The following HAVCR1 variants were observed in gnomAD, a reference collection of about 807,000 sequenced individuals.
HAVCR1 encodes the protein hepatitis A virus cellular receptor 1.
HAVCR1 carries 34 observed loss-of-function variants against 32.0 expected under a neutral mutation model. The observed-to-expected ratio is 1.06, with a 90% CI of 0.81 to 1.42. The LOEUF (loss-of-function observed/expected upper bound fraction) is 1.42, where lower values mean the gene tolerates loss of function less well. Among genes scored for constraint, HAVCR1 ranks in the 40% most tolerant of loss-of-function variants. The pLI is 0.00. For synonymous variants in HAVCR1, 178 were observed against 170.3 expected (o/e 1.05, Z -0.35); for missense variants, 420 against 442.3 (o/e 0.95, Z 0.45).
At chr5:157,057,872 C>T (rs1174505521) in intron 2 of HAVCR1, 26 bp downstream of exon 2, 1 of 1,592,928 alleles carries the variant, frequency 6.3e-7, no homozygotes, top group Non-Finnish European at 8.6e-7. Context: ...CTCCCTTCTT[C>T]CCGCCCAGGG....
chr5:157,029,829 G>C lies in HAVCR1; in HGVS notation c.999C>G (p.Ser333Arg). The change falls in exon 9 of 9, where the codon AGC becomes AGG. Residue 333 changes from serine (S) to arginine (R), a missense_variant. Ser to Arg is a moderately radical substitution (Grantham distance 110, BLOSUM62 -1). Coordinates refer to ENST00000523175, the MANE Select transcript of HAVCR1 (RefSeq NM_001173393.3). Reference sequence around the variant, plus strand: ...TTTGCAAAGCTTTAATTTGAAGGCTGCTAAATGAAACACTGTAGAAAGAGT... The same window carrying C: ...TTTGCAAAGCTTTAATTTGAAGGCTCCTAAATGAAACACTGTAGAAAGAGT... ...KEVQQLSVSF[S>R]SLQIKALQNA... 6.2e-7 allele frequency: 1 copy of C among 1,612,168 alleles called. No individual in the cohort carries two copies. The highest frequency in any genetic ancestry group is 1.1e-5 in the South Asian group (1 of 91,034).
At chr5:157,050,614 T>G (rs1755682465) in intron 4 of HAVCR1, among the ~76,000 whole-genome samples, 1 of 152,090 alleles carries the variant, frequency 6.6e-6, no homozygotes, top group Admixed American at 6.6e-5. Flanking sequence ...AAGGCAACTT[T>G]CTCCCATATC....
intron 6 of HAVCR1, among the ~76,000 whole-genome samples, chr5:157,039,075 G>A (rs899145695): frequency 1.4e-4 from 21 of 152,120 alleles, no homozygotes; most frequent in African/African-American, 7.2e-5. Context: ...AGCTGTGATC[G>A]TGCCACTGCA....
the HAVCR1 span, among the ~76,000 whole-genome samples, chr5:157,066,565 T>TTTAA: frequency 6.6e-6 from 1 of 150,534 alleles, no homozygotes; most frequent in Non-Finnish European, 1.5e-5. Context: ...GTTTTTTTTT[T>TTTAA]AAGTGATAAA....
At chr5:157,057,382 GAGAGGAAAGAAAGAAAGAAAGAAAGAAA>G (rs1173574443) in intron 2 of HAVCR1, among the ~76,000 whole-genome samples, 16 of 133,926 alleles carry the variant, frequency 1.2e-4, no homozygotes, top group East Asian at 2.1e-4. Context: ...GAGAGAGAGA[GAGAGGAAAGAAAGAAAGAAAGAAAGAAA>G]GAAAGAAAGA....
intron 6 of HAVCR1, among the ~76,000 whole-genome samples, chr5:157,037,634 C>G (rs1426197512): frequency 1.3e-5 from 2 of 152,166 alleles, no homozygotes; most frequent in African/African-American, 4.8e-5. Context: ...AAAACTAAAA[C>G]TGTATGCTTA....
intron 5 of HAVCR1, among the ~76,000 whole-genome samples, chr5:157,046,929 GCTATCAACATGAATTTGGGAATTAT>G (rs1755434059): frequency 6.6e-6 from 1 of 152,112 alleles, no homozygotes. Context: ...TTGGGAATTA[GCTATCAACATGAATTTGGGAATTAT>G]CTATCAACAT....
At chr5:157,053,547 G>T (rs1755904324) in intron 3 of HAVCR1, among the ~76,000 whole-genome samples, 1 of 152,014 alleles carries the variant, frequency 6.6e-6, no homozygotes, top group African/African-American at 2.4e-5. Context: ...TATTATCATT[G>T]TAAGACCTTA....
rs774749480 is a variant in HAVCR1 at position 157,052,530 on chromosome 5, TGTTGGAACAGTTGTC to T, written c.489_503del (p.Thr165_Thr169del). ...TCGTTGTCGTTGGAATGCTCATTGT[TGTTGGAACAGTTGTC>T]GTTGGAACAGTCGTCATTGGAACAG... On this transcript the variant is annotated inframe_deletion, in exon 4 of 9. Coordinates refer to ENST00000523175, the MANE Select transcript of HAVCR1 (RefSeq NM_001173393.3). 1.3e-6 allele frequency: 2 copies of T among 1,593,592 alleles called. No individual in the cohort carries two copies. Among genetic ancestry groups the T allele is most frequent in the South Asian group, 1.1e-5 (1 of 89,240 alleles).
chr5:157,035,989 G>T (rs1454042165), intron 7 of HAVCR1, among the ~76,000 whole-genome samples: 1 of 152,156 alleles, frequency 6.6e-6, no homozygotes, highest in African/African-American at 2.4e-5. Context: ...AGCATCTGCA[G>T]ATTTTGGAAT....
rs1437647476 is a variant in HAVCR1 at position 157,037,324 on chromosome 5, G to A, written c.875C>T (p.Thr292Ile). Residue 292 changes from threonine (T) to isoleucine (I), a missense_variant, in exon 7 of 9, where the codon ACC (threonine) becomes ATC (isoleucine). Thr to Ile is a moderately conservative substitution (Grantham distance 89, BLOSUM62 -1). Transcript: ENST00000523175. ...FLEHSLLTAN[T>I]TKGIYAGVCI... Reference sequence around the variant, plus strand: ...GACTCCAGCATAGATTCCTTTAGTGGTATTGGCCGTCAGTAGACTATGTTC... The same window carrying A: ...GACTCCAGCATAGATTCCTTTAGTGATATTGGCCGTCAGTAGACTATGTTC... The A allele has an allele frequency of 3.8e-6, 6 of 1,595,372 alleles. No individual in the cohort carries two copies. Among genetic ancestry groups the A allele is most frequent in the Non-Finnish European group, 5.2e-6 (6 of 1,163,022 alleles).
chr5:157,032,726 T>A, intron 8 of HAVCR1, 128 bp downstream of exon 8: 1 of 679,436 alleles, frequency 1.5e-6, no homozygotes, highest in Non-Finnish European at 2.6e-6. Flanking sequence ...ATAATAGAAT[T>A]GCTCATTAAA....
chr5:157,040,255 G>T lies in HAVCR1; in HGVS notation c.837+2372C>A, dbSNP rs992245280. Among the ~76,000 whole-genome samples, 5 of 151,634 alleles carry T rather than the reference G, an allele frequency of 3.3e-5. No individual in the cohort carries two copies. In the South Asian group the frequency reaches 8.3e-4, roughly 25 times the overall value. On this transcript the variant is annotated intron_variant, in intron 6 of 8. Coordinates refer to ENST00000523175, the MANE Select transcript of HAVCR1 (RefSeq NM_001173393.3). The stretch of plus-strand genomic sequence containing the variant: ...GGAGGTTGCAGTGAGCCAAGATCGC[G>T]CCATTGCCCTCCAGCCTGGGTAACA...
intron 2 of HAVCR1, among the ~76,000 whole-genome samples, chr5:157,055,992 G>A (rs1756111600): frequency 6.6e-6 from 1 of 151,580 alleles, no homozygotes; most frequent in African/African-American, 2.4e-5. Context: ...TGTCACCCAG[G>A]CTGTAGTGCA....
rs779768950 is a variant in HAVCR1 at position 157,049,056 on chromosome 5, A to G, written c.763T>C (p.Leu255=). Residue 255 remains leucine, a synonymous_variant, in exon 5 of 9, where the codon TTG becomes CTG. Transcript: ENST00000523175. ...CAGTTACCTGTTGTGTAAGAGTACA[A>G]TGGTGAGCTGGTGGGTTCTCTCCTT... is the stretch of plus-strand genomic sequence containing the variant. The part of the protein sequence containing the change: ...AIRREPTSSP[L]YSYTTDGNDT... 6.9e-6 allele frequency: 11 copies of G among 1,599,692 alleles called. No individual in the cohort carries two copies. Among genetic ancestry groups the G allele is most frequent in the Non-Finnish European group, 9.4e-6 (11 of 1,166,974 alleles).
At chr5:157,041,185 T>C (rs1754868473) in intron 6 of HAVCR1, among the ~76,000 whole-genome samples, 1 of 152,154 alleles carries the variant, frequency 6.6e-6, no homozygotes, top group African/African-American at 2.4e-5. Context: ...AGTTATTATC[T>C]AGGACTTTGT....
At position 157,052,408 on chromosome 5, in the gene HAVCR1, G is replaced by A. The variant is rs1755792861; in HGVS notation, c.626C>T (p.Ser209Phe). Residue 209 changes from serine to phenylalanine, a missense_variant, in exon 4 of 9, where the codon TCT becomes TTT. Coordinates refer to ENST00000523175, the MANE Select transcript of HAVCR1 (RefSeq NM_001173393.3). ...CAAAGGCATTGGAGGAACAAAGGTAGAGACAGTTGTTGTCACTGGAACACT... is the reference window on the plus strand; with the variant it reads ...CAAAGGCATTGGAGGAACAAAGGTAAAGACAGTTGTTGTCACTGGAACACT... ...TTSVPVTTTV[S>F]TFVPPMPLPR... The A allele has an allele frequency of 1.9e-6, 3 of 1,612,950 alleles. No homozygotes were observed. Among genetic ancestry groups the A allele is most frequent in the Non-Finnish European group, 2.5e-6 (3 of 1,179,644 alleles).
the HAVCR1 span, among the ~76,000 whole-genome samples, chr5:157,066,522 G>A: frequency 5.6e-4 from 67 of 120,060 alleles, 1 homozygote; most frequent in African/African-American, 1.9e-3. Flanking sequence ...AAAAATAAAA[G>A]TTTTGCAAAA....
chr5:157,041,442 G>A (rs1364430851), intron 6 of HAVCR1, among the ~76,000 whole-genome samples: 1 of 152,008 alleles, frequency 6.6e-6, no homozygotes, highest in Non-Finnish European at 1.5e-5. Flanking sequence ...AGGTTGCAGT[G>A]AGCTGGGATC....
Sources: gnomAD v4.1 joint callset for allele counts (sites outside exome capture counted in the v4.1 genomes callset) on GRCh38, gnomAD v4.1.1 for gene constraint, MANE v1.5 for transcripts, NCBI Gene and HGNC (gene_info 2026-07-23, HGNC 2026-07-21) for gene names.